NCOR1: variants seen among roughly 807,000 people sequenced by gnomAD.
The protein encoded by NCOR1 is nuclear receptor corepressor 1, also known as protein phosphatase 1, regulatory subunit 109.
A neutral mutation model predicts 288.1 loss-of-function variants in NCOR1; 63 were observed. The observed-to-expected ratio is 0.22, with a 90% CI of 0.18 to 0.27. The LOEUF (loss-of-function observed/expected upper bound fraction) is 0.27. NCOR1 is among the 10% of genes least tolerant of loss of function. The probability of loss-of-function intolerance (pLI) is 1.00; values close to 1 mark genes in which losing one functional copy is unlikely to be tolerated. For synonymous variants in NCOR1, 1,007 were observed against 1,065.9 expected, an observed-to-expected ratio of 0.94 and a Z score of 1.08; for missense variants, 2,397 against 3,019.2, an observed-to-expected ratio of 0.79 and a Z score of 4.83.
chr17:16,171,234 A>G (rs2083093470), intron 4 of NCOR1, among the ~76,000 whole-genome samples: 2 of 152,182 alleles, frequency 1.3e-5, no homozygotes, highest in African/African-American at 4.8e-5. Context: ...TTTTTATTCC[A>G]CAATAAAACT....
At position 16,137,298 on chromosome 17, in the gene NCOR1, T is replaced by C; in HGVS notation, c.1509+13A>G. On this transcript the variant is annotated intron_variant, in intron 14 of 45. Transcript: ENST00000268712. ...AATCCTGAAATATCTTCCATACAAG[T>C]AAGAAAACACACCTGGTTTCTGCCT... 6.4e-7 allele frequency: 1 copy of C among 1,551,978 alleles called. No individual in the cohort carries two copies. Among genetic ancestry groups the C allele is most frequent in the Non-Finnish European group, 8.8e-7 (1 of 1,131,866 alleles).
chr17:16,143,935 TA>T (rs2077495889), intron 10 of NCOR1, among the ~76,000 whole-genome samples: 1 of 152,174 alleles, frequency 6.6e-6, no homozygotes, highest in Non-Finnish European at 1.5e-5. Flanking sequence ...TGGAACTAGT[TA>T]GGGAAAACTT....
In NCOR1 at chr17:16,057,600, G is replaced by A. The variant is rs2152550151; in HGVS notation, c.6306C>T (p.Ser2102=). The change falls in exon 40 of 46, where the codon AGC becomes AGT. Residue 2102 remains serine, a synonymous_variant. Coordinates refer to ENST00000268712, the MANE Select transcript of NCOR1 (RefSeq NM_006311.4). ...GGACAGACTGAGCCTGGGATTCTGG[G>A]CTGTAACGGTTTGATGTTTTAGTCC... ...PVRTKTSNRY[S]PESQAQSVHH... 6.2e-7 allele frequency: 1 copy of A among 1,614,138 alleles called. No homozygotes were observed. Among genetic ancestry groups the A allele is most frequent in the East Asian group, 2.2e-5 (1 of 44,872 alleles).
rs116304306 is a variant in NCOR1, at chr17:16,101,080, A to G, written c.2690+170T>C. ...TGTTTCATTAAAATGATCATACAAT[A>G]GTTTGTGGTTATTTAAACAGAACAG... On this transcript the variant is annotated intron_variant, in intron 20 of 45. Coordinates refer to ENST00000268712, the MANE Select transcript of NCOR1 (RefSeq NM_006311.4). Among the ~76,000 whole-genome samples the G allele has an allele frequency of 9.0e-3, 1,364 of 152,366 alleles. 24 individuals are homozygous for G. Among genetic ancestry groups the G allele is most frequent in the African/African-American group, 0.031 (1,298 of 41,586 alleles).
chr17:16,106,373 TCCAAGGCATA>T (rs2068626370), intron 19 of NCOR1, among the ~76,000 whole-genome samples: 1 of 152,046 alleles, frequency 6.6e-6, no homozygotes, highest in African/African-American at 2.4e-5. Flanking sequence ...TAGGAAGGTT[TCCAAGGCATA>T]ATGTTTCACC....
intron 8 of NCOR1, among the ~76,000 whole-genome samples, chr17:16,150,968 T>C (rs979532978): frequency 7.2e-5 from 11 of 152,092 alleles, no homozygotes; most frequent in Middle Eastern, 6.8e-3. Context: ...ATGCAAATTA[T>C]ATTTGCCACC....
At chr17:16,182,915 G>A (rs1315041709) in intron 3 of NCOR1, among the ~76,000 whole-genome samples, 1 of 151,954 alleles carries the variant, frequency 6.6e-6, no homozygotes, top group South Asian at 2.1e-4. Flanking sequence ...AAAAAGAAGA[G>A]AAGTAAAAAC....
chr17:16,206,139 C>A (rs1300780634), intron 1 of NCOR1, among the ~76,000 whole-genome samples: 2 of 151,370 alleles, frequency 1.3e-5, no homozygotes, highest in African/African-American at 4.9e-5. Flanking sequence ...CAAATTGGTA[C>A]AACAATCTTT....
At chr17:16,093,756 G>A (rs2065830596) in intron 21 of NCOR1, among the ~76,000 whole-genome samples, 1 of 152,120 alleles carries the variant, frequency 6.6e-6, no homozygotes, top group South Asian at 2.1e-4. Flanking sequence ...CGCCAAATGA[G>A]CTGTTTTGAT....
At chr17:16,072,106 C>G in intron 29 of NCOR1, 39 bp downstream of exon 29, 1 of 1,449,224 alleles carries the variant, frequency 6.9e-7, no homozygotes, top group Middle Eastern at 1.8e-4. Flanking sequence ...GCCAGGGAGG[C>G]AGTTATAAAT....
rs1401344163 is a variant in NCOR1, at chr17:16,034,809, C to T, written c.7091G>A (p.Arg2364Lys). ...SSVHSEGDYH[R>K]QTPGWAWEDR... ...TTCCCAGGCCCACCCTGGCGTCTGC[C>T]TATGGTAATCCCCTTCTGAATGTAC... Residue 2364 changes from arginine to lysine, a missense_variant, in exon 45 of 46, where the codon AGG becomes AAG. By Grantham distance (26) the Arg-to-Lys change is conservative. This residue lies in a region of NCOR1 where 1,872 missense variants were observed against 2,187.8 expected (regional missense o/e 0.86). Coordinates refer to ENST00000268712, the MANE Select transcript of NCOR1 (RefSeq NM_006311.4). 1 of 1,614,032 alleles carries T rather than the reference C, an allele frequency of 6.2e-7. No homozygotes were observed. The highest frequency in any genetic ancestry group is 8.5e-7 in the Non-Finnish European group (1 of 1,179,982).
chr17:16,030,493 G>GA lies in NCOR1; in HGVS notation c.*1802dup, dbSNP rs553006446. ...AAACTCTAAAATATTACCAGTACCT[G>GA]AAAAAAAAAAATTCAGCAGAAAACT... On this transcript the variant is annotated 3_prime_UTR_variant, in exon 46 of 46. Coordinates refer to ENST00000268712, the MANE Select transcript of NCOR1 (RefSeq NM_006311.4). 6.0e-3 allele frequency: 1,091 copies of GA among 181,284 alleles called. No homozygotes were observed. Among genetic ancestry groups the GA allele is most frequent in the East Asian group, 0.013 (134 of 10,380 alleles). 11.2% of individuals were successfully genotyped at this position (181,284 alleles called of 1,614,324 possible).
chr17:16,127,617 G>A (rs183087884), intron 14 of NCOR1, among the ~76,000 whole-genome samples: 157 of 128,324 alleles, frequency 1.2e-3, no homozygotes, highest in African/African-American at 1.8e-3. Context: ...ATATGTGTAT[G>A]TGTATATATA....
At chr17:16,199,721 G>C (rs1482690519) in intron 1 of NCOR1, among the ~76,000 whole-genome samples, 1 of 152,140 alleles carries the variant, frequency 6.6e-6, no homozygotes, top group African/African-American at 2.4e-5. Flanking sequence ...TTAACTCAGG[G>C]TAGTTACATG....
At chr17:16,196,599 G>A (rs2089854216) in intron 1 of NCOR1, among the ~76,000 whole-genome samples, 1 of 152,140 alleles carries the variant, frequency 6.6e-6, no homozygotes, top group South Asian at 2.1e-4. Flanking sequence ...GCCAAGGCGG[G>A]TGGATCATGA....
chr17:16,186,909 G>A (rs1175513189), intron 2 of NCOR1, among the ~76,000 whole-genome samples: 2 of 151,266 alleles, frequency 1.3e-5, no homozygotes, highest in African/African-American at 4.9e-5. Context: ...AATCTATATT[G>A]ACTCATTCCT....
chr17:16,186,041 T>C (rs1039666046), intron 3 of NCOR1, among the ~76,000 whole-genome samples: 1 of 152,274 alleles, frequency 6.6e-6, no homozygotes, highest in Non-Finnish European at 1.5e-5. Context: ...CCACCATGCA[T>C]GTACAGGACC....
intron 5 of NCOR1, among the ~76,000 whole-genome samples, chr17:16,162,300 C>T (rs775678560): frequency 5.3e-5 from 8 of 151,768 alleles, no homozygotes; most frequent in East Asian, 1.9e-4. Flanking sequence ...ACAAGAGACA[C>T]GGAAGACAAG....
chr17:16,060,979 T>C (rs189978214), intron 37 of NCOR1, among the ~76,000 whole-genome samples: 2 of 152,286 alleles, frequency 1.3e-5, no homozygotes, highest in Admixed American at 6.5e-5. Flanking sequence ...CAATAATAGG[T>C]AGTCTCACTT....
Sources: allele counts gnomAD v4.1 joint callset (sites outside exome capture counted in the v4.1 genomes callset), GRCh38; gene constraint gnomAD v4.1.1; regional missense constraint gnomAD v4.1.1; transcripts MANE v1.5; gene names NCBI Gene and HGNC (gene_info 2026-07-23, HGNC 2026-07-21).